The following RABEP1 variants were observed in gnomAD, a reference collection of about 807,000 sequenced individuals.
The protein encoded by RABEP1 is rab GTPase-binding effector protein 1.
In RABEP1, 51 loss-of-function variants were observed where a neutral mutation model predicts 123.4. The ratio of observed to expected loss-of-function variants is 0.41; its 90% CI spans 0.33 to 0.52. The LOEUF (loss-of-function observed/expected upper bound fraction) is 0.52, where lower values mean the gene tolerates loss of function less well. Among genes scored for constraint, RABEP1 ranks in the 20% least tolerant of loss-of-function variants. The pLI is 0.16. For missense variants in RABEP1, 888 were observed against 996.3 expected (o/e 0.89, Z 1.46); for synonymous variants, 347 against 355.2 (o/e 0.98, Z 0.26).
In RABEP1 at chr17:5,350,479, A is replaced by G. The variant is rs377671603; in HGVS notation, c.813A>G (p.Gln271=). The G allele has an allele frequency of 2.5e-6, 4 of 1,613,770 alleles. No individual in the cohort carries two copies. Among genetic ancestry groups the G allele is most frequent in the Admixed American group, 1.7e-5 (1 of 59,914 alleles). ...EVCHLLEQER[Q]QHNQLKHTWQ... ...GCCATCTCTTGGAGCAAGAGCGACA[A>G]CAACACAACCAGTTAAAACATACGT... The change falls in exon 7 of 18, where the codon CAA becomes CAG. Residue 271 remains glutamine, a synonymous_variant. Coordinates refer to ENST00000537505, the MANE Select transcript of RABEP1 (RefSeq NM_004703.6).
At chr17:5,361,089 G>C in intron 8 of RABEP1, 119 bp from the exon 9 acceptor site, 1 of 883,014 alleles carries the variant, frequency 1.1e-6, no homozygotes, top group South Asian at 1.8e-5. Context: ...ATGAGTCTGT[G>C]AAGGTAGCAC....
rs538675348 is a variant in RABEP1, at chr17:5,304,935, A to T, written c.35-3759A>T. ...CTTTTTTTCTTTATTCATTAAATAA[A>T]TACTACCAATTTAATAATGACAGCT... On this transcript the variant is annotated intron_variant, in intron 1 of 17. Transcript: ENST00000537505. Among the ~76,000 whole-genome samples, 68 of 152,348 alleles carry T rather than the reference A, an allele frequency of 4.5e-4. No homozygotes were observed. The South Asian group carries it at 5.2e-3, about 12-fold the overall frequency.
chr17:5,315,137 A>G (rs1051772178), intron 2 of RABEP1, among the ~76,000 whole-genome samples: 4 of 152,238 alleles, frequency 2.6e-5, no homozygotes, highest in Admixed American at 2.6e-4. Context: ...GAATTTCAAT[A>G]GTGAAAAGCT....
At chr17:5,308,628 A>G in intron 1 of RABEP1, 66 bp from the exon 2 acceptor site, 1 of 1,433,730 alleles carries the variant, frequency 7.0e-7, no homozygotes, top group South Asian at 1.3e-5. Context: ...CTAGAATACT[A>G]ATTTACTGTT....
At chr17:5,381,355 G>T in intron 16 of RABEP1, 34 bp from the exon 17 acceptor site, 1 of 1,601,064 alleles carries the variant, frequency 6.2e-7, no homozygotes, top group Non-Finnish European at 8.5e-7. Context: ...CGGCCCTTTG[G>T]CATTAATCTT....
chr17:5,357,186 T>A (rs566685076), intron 8 of RABEP1, among the ~76,000 whole-genome samples: 35 of 152,230 alleles, frequency 2.3e-4, no homozygotes, highest in Admixed American at 2.0e-3. Context: ...CTATTTGCAC[T>A]TTTAAAACAT....
In RABEP1 at chr17:5,350,440, T is replaced by G. The variant is rs1597376509; in HGVS notation, c.785-11T>G. On this transcript the variant is annotated splice_polypyrimidine_tract_variant and intron_variant, in intron 6 of 17. Coordinates refer to ENST00000537505, the MANE Select transcript of RABEP1 (RefSeq NM_004703.6). ...GTGTTTTTGATTTGTGGTGGGGGGGTTCCTAAACAGTTTGCCATCTCTTGG... is the reference window on the plus strand; with the variant it reads ...GTGTTTTTGATTTGTGGTGGGGGGGGTCCTAAACAGTTTGCCATCTCTTGG... 1 of 1,595,666 alleles carries G rather than the reference T, an allele frequency of 6.3e-7. No individual in the cohort carries two copies. The highest frequency in any genetic ancestry group is 8.5e-7 in the Non-Finnish European group (1 of 1,173,060).
intron 12 of RABEP1, among the ~76,000 whole-genome samples, chr17:5,370,965 C>CTT (rs58556047): frequency 2.8e-4 from 40 of 144,760 alleles, no homozygotes; most frequent in Admixed American, 7.6e-4. Context: ...ATTTGTTTCT[C>CTT]TTTTTTTTTT....
intron 1 of RABEP1, among the ~76,000 whole-genome samples, chr17:5,299,700 CT>C (rs2075115402): frequency 9.3e-6 from 1 of 107,734 alleles, no homozygotes; most frequent in African/African-American, 3.4e-5. Flanking sequence ...GCACTCATTT[CT>C]TTTTCTTTTT....
chr17:5,341,874 C>T (rs1907644895), intron 5 of RABEP1, among the ~76,000 whole-genome samples: 1 of 152,164 alleles, frequency 6.6e-6, no homozygotes, highest in Non-Finnish European at 1.5e-5. Context: ...TTTGACCACT[C>T]AATAACTTAG....
intron 13 of RABEP1, 33 bp downstream of exon 13, chr17:5,373,487 A>T (rs200635900): frequency 6.4e-7 from 1 of 1,570,850 alleles, no homozygotes; most frequent in Non-Finnish European, 8.6e-7. Context: ...AAAAATGTCA[A>T]CAAGTACGTT....
In RABEP1 at chr17:5,368,474, T is replaced by C; in HGVS notation, c.1884+6T>C. 2 of 1,595,736 alleles carry C rather than the reference T, an allele frequency of 1.3e-6. No individual in the cohort carries two copies. The highest frequency in any genetic ancestry group is 4.5e-5 in the East Asian group (2 of 44,800). On this transcript the variant is annotated splice_donor_region_variant and intron_variant, in intron 12 of 17. Coordinates refer to ENST00000537505, the MANE Select transcript of RABEP1 (RefSeq NM_004703.6). ...GGGATGTTCAGGAACAGATGGTAAG[T>C]TTACATTTTAAGTAAATGACAACTA...
At chr17:5,340,639 T>A (rs1434733440) in intron 5 of RABEP1, among the ~76,000 whole-genome samples, 5 of 142,836 alleles carry the variant, frequency 3.5e-5, no homozygotes, top group Admixed American at 6.9e-5. Context: ...GCCAGATCTT[T>A]AAAAAAAAAA....
At chr17:5,381,731 G>T in intron 17 of RABEP1, 1 of 551,702 alleles carries the variant, frequency 1.8e-6, no homozygotes, top group Non-Finnish European at 2.9e-6. Context: ...GCCTCCTTAT[G>T]AGTAAAGTAC....
At chr17:5,286,795 A>T (rs921718331) in intron 1 of RABEP1, among the ~76,000 whole-genome samples, 1 of 152,226 alleles carries the variant, frequency 6.6e-6, no homozygotes, top group African/African-American at 2.4e-5. Context: ...ATTAAACAAC[A>T]AACGTAAGCA....
intron 13 of RABEP1, among the ~76,000 whole-genome samples, chr17:5,374,075 T>C (rs939661802): frequency 7.9e-5 from 12 of 152,190 alleles, no homozygotes; most frequent in Non-Finnish European, 1.5e-4. Context: ...GATGACACTT[T>C]TGTTTCTTTT....
chr17:5,289,329 G>T (rs2075010231), intron 1 of RABEP1, among the ~76,000 whole-genome samples: 1 of 150,346 alleles, frequency 6.7e-6, no homozygotes, highest in African/African-American at 2.4e-5. Flanking sequence ...TTTGGTATGT[G>T]TTGCAAATTT....
chr17:5,318,095 T>G (rs998985086), intron 2 of RABEP1, among the ~76,000 whole-genome samples: 4 of 152,174 alleles, frequency 2.6e-5, no homozygotes, highest in Admixed American at 2.0e-4. Context: ...AATAAATGTT[T>G]CCCTGAGTTC....
chr17:5,331,052 TTTTA>T lies in RABEP1; in HGVS notation c.164-896_164-893del, dbSNP rs1326513302. 1.3e-3 allele frequency among the ~76,000 whole-genome samples: 157 copies of T among 123,712 alleles called. 1 individual carries two copies. Among genetic ancestry groups the T allele is most frequent in the African/African-American group, 5.2e-3 (142 of 27,488 alleles). The allele number at this position is 123,712 out of a possible 152,430, so 81.2% of individuals were successfully genotyped here. ...CTTTTTTTTTTTTTTTTTTTTTTTTTTTTAAAGAAACACAGCGGCTGACTGGGAA... is the reference window on the plus strand; with the variant it reads ...CTTTTTTTTTTTTTTTTTTTTTTTTTAAGAAACACAGCGGCTGACTGGGAA... On this transcript the variant is annotated intron_variant, in intron 2 of 17. Transcript: ENST00000537505.
Sources: gnomAD v4.1 joint callset for allele counts (sites outside exome capture counted in the v4.1 genomes callset) on GRCh38, gnomAD v4.1.1 for gene constraint, MANE v1.5 for transcripts, NCBI Gene and HGNC (gene_info 2026-07-23, HGNC 2026-07-21) for gene names.